Variants in DCDC2 observed in about 807,000 individuals in gnomAD.
DCDC2 encodes doublecortin domain containing 2, also known as doublecortin domain-containing protein 2.
Under a neutral mutation model 50.2 loss-of-function variants are expected in DCDC2, and 40 were observed. The ratio of observed to expected loss-of-function variants is 0.80; its 90% CI spans 0.62 to 1.04. The LOEUF (loss-of-function observed/expected upper bound fraction) is 1.04, where lower values mean the gene tolerates loss of function less well. DCDC2 is among the 50% of genes least tolerant of loss of function. DCDC2 has a pLI of 0.00. For missense variants in DCDC2, 570 were observed against 581.9 expected (o/e 0.98, Z 0.21); for synonymous variants, 234 against 210.6 (o/e 1.11, Z -0.96).
the DCDC2 span, among the ~76,000 whole-genome samples, chr6:24,363,109 T>C: frequency 6.6e-5 from 10 of 152,212 alleles, no homozygotes; most frequent in Non-Finnish European, 1.3e-4. Context: ...AGAGTTTTTG[T>C]ATTTTAGCTT....
chr6:24,252,337 G>A (rs1458663000), intron 7 of DCDC2, among the ~76,000 whole-genome samples: 1 of 152,100 alleles, frequency 6.6e-6, no homozygotes, highest in African/African-American at 2.4e-5. Context: ...AGTGAACAAT[G>A]TCAGGAATTT....
Position 24,173,030 on chromosome 6 carries a change from T to G in DCDC2, c.*1700A>C, listed in dbSNP as rs896288466. 1 of 124,864 alleles carries G rather than the reference T, an allele frequency of 8.0e-6. No individual in the cohort carries two copies. The highest frequency in any genetic ancestry group is 1.8e-5 in the Non-Finnish European group (1 of 56,556). 7.7% of individuals were successfully genotyped at this position (124,864 alleles called of 1,614,324 possible). ...AATAATAATAATAATAAAGATCAAT[T>G]GGTCTATTTGCCTACCAACCCAAGA... On this transcript the variant is annotated 3_prime_UTR_variant, in exon 10 of 10. Coordinates refer to ENST00000378454, the MANE Select transcript of DCDC2 (RefSeq NM_016356.5).
intron 8 of DCDC2, among the ~76,000 whole-genome samples, chr6:24,200,747 G>C (rs532545984): frequency 6.6e-6 from 1 of 151,994 alleles, no homozygotes; most frequent in Non-Finnish European, 1.5e-5. Context: ...CTGTATTCAG[G>C]AGACTCATCT....
In DCDC2 at chr6:24,317,541, G is replaced by A. The variant is rs76272893; in HGVS notation, c.349-15497C>T. ...AAAAGTACAAAATGAAATCATACAA[G>A]TACTAAAAGAAAACATGGGTGAATT... On this transcript the variant is annotated intron_variant, in intron 2 of 9. Transcript: ENST00000378454. 5.9e-5 allele frequency among the ~76,000 whole-genome samples: 9 copies of A among 152,046 alleles called. No individual in the cohort carries two copies. The East Asian group carries it at 1.4e-3, about 23-fold the overall frequency.
chr6:24,283,605 G>A (rs761777026), intron 6 of DCDC2, among the ~76,000 whole-genome samples: 3 of 152,146 alleles, frequency 2.0e-5, no homozygotes, highest in Non-Finnish European at 4.4e-5. Flanking sequence ...ATTTTGCAGT[G>A]GTTCCTACAG....
At chr6:24,236,902 G>T (rs1087289) in intron 7 of DCDC2, among the ~76,000 whole-genome samples, 70,754 of 151,844 alleles carry the variant, frequency 0.47, 20,066 homozygotes, top group Non-Finnish European at 0.61. Flanking sequence ...CTGGCCACTT[G>T]GGGGGCTGAG....
intron 7 of DCDC2, among the ~76,000 whole-genome samples, chr6:24,215,570 G>A (rs1761955635): frequency 1.3e-5 from 2 of 152,184 alleles, no homozygotes; most frequent in South Asian, 4.1e-4. Flanking sequence ...TCATGGCAGA[G>A]TGAGACCAGG....
At chr6:24,239,779 G>C (rs1762527643) in intron 7 of DCDC2, among the ~76,000 whole-genome samples, 2 of 152,318 alleles carry the variant, frequency 1.3e-5, no homozygotes, top group Admixed American at 6.5e-5. Context: ...AAGAATTAGA[G>C]CTGGATAATG....
Position 24,173,518 on chromosome 6 carries a change from TTA to T in DCDC2, c.*1210_*1211del, listed in dbSNP as rs1760833379. 3.9e-5 allele frequency: 6 copies of T among 152,318 alleles called. No individual in the cohort carries two copies. The South Asian group carries it at 1.2e-3, about 32-fold the overall frequency. 9.4% of individuals were successfully genotyped at this position (152,318 alleles called of 1,614,324 possible). On this transcript the variant is annotated 3_prime_UTR_variant, in exon 10 of 10. Coordinates refer to ENST00000378454, the MANE Select transcript of DCDC2 (RefSeq NM_016356.5). ...TTAAGAATTCATAAAAAGGACGAAA[TTA>T]TGTTTTAATTATGTTTTTATGTTTT... is the stretch of plus-strand genomic sequence containing the variant.
intron 7 of DCDC2, among the ~76,000 whole-genome samples, chr6:24,266,540 C>T (rs899559907): frequency 7.2e-5 from 11 of 151,966 alleles, no homozygotes; most frequent in Non-Finnish European, 1.5e-4. Flanking sequence ...AAAGATGACA[C>T]AGAAATAGCA....
rs115170128 is a variant in DCDC2 at position 24,336,040 on chromosome 6, C to T, written c.348+17529G>A. Among the ~76,000 whole-genome samples the T allele has an allele frequency of 3.2e-3, 487 of 152,308 alleles. 2 individuals carry two copies. The highest frequency in any genetic ancestry group is 0.011 in the African/African-American group (463 of 41,572). On this transcript the variant is annotated intron_variant, in intron 2 of 9. Transcript: ENST00000378454. ...AAAGAAGGTATAATCATGCCATCAACAGCAACCAAATCCAGGTTCTAGAGG... is the reference window on the plus strand; with the variant it reads ...AAAGAAGGTATAATCATGCCATCAATAGCAACCAAATCCAGGTTCTAGAGG...
chr6:24,218,952 T>C (rs954209151), intron 7 of DCDC2, among the ~76,000 whole-genome samples: 25 of 152,360 alleles, frequency 1.6e-4, no homozygotes, highest in African/African-American at 5.8e-4. Context: ...CCAGATATCC[T>C]TGCTTCTTTC....
chr6:24,206,867 G>C (rs34705735), intron 7 of DCDC2, among the ~76,000 whole-genome samples: 1,695 of 152,238 alleles, frequency 0.011, 19 homozygotes, highest in East Asian at 0.039. Flanking sequence ...TTTTTTAAAT[G>C]GTTGCCTCAG....
intron 8 of DCDC2, among the ~76,000 whole-genome samples, chr6:24,185,728 T>C (rs2791973): frequency 0.48 from 63,289 of 132,200 alleles, 16,364 homozygotes; most frequent in Non-Finnish European, 0.58. Flanking sequence ...CACACACACA[T>C]ATACACACAG....
intron 2 of DCDC2, among the ~76,000 whole-genome samples, chr6:24,347,185 A>C (rs1242177794): frequency 1.3e-5 from 2 of 152,206 alleles, no homozygotes; most frequent in African/African-American, 4.8e-5. Context: ...TAAAGTTTAA[A>C]AGCTATTTAG....
At chr6:24,319,287 G>T (rs1759729933) in intron 2 of DCDC2, among the ~76,000 whole-genome samples, 3 of 148,448 alleles carry the variant, frequency 2.0e-5, no homozygotes, top group African/African-American at 7.4e-5. Flanking sequence ...TATTTGTGGG[G>T]TTTTTTTTTT....
intron 7 of DCDC2, among the ~76,000 whole-genome samples, chr6:24,271,735 A>C (rs949258379): frequency 2.6e-5 from 4 of 152,218 alleles, no homozygotes; most frequent in Non-Finnish European, 1.5e-5. Context: ...CAACCTACAC[A>C]GCATCGGCAG....
At chr6:24,200,932 A>T (rs1212731121) in intron 8 of DCDC2, among the ~76,000 whole-genome samples, 1 of 152,248 alleles carries the variant, frequency 6.6e-6, no homozygotes, top group Non-Finnish European at 1.5e-5. Flanking sequence ...ATAATTGTAA[A>T]GGGATCAATT....
At chr6:24,182,828 GGACTTGAAGA>G (rs1561880878) in intron 8 of DCDC2, among the ~76,000 whole-genome samples, 1 of 151,952 alleles carries the variant, frequency 6.6e-6, no homozygotes, top group Non-Finnish European at 1.5e-5. Flanking sequence ...CTGAAAGCAA[GGACTTGAAGA>G]GATATTTGTA....
Sources: allele counts gnomAD v4.1 joint callset (sites outside exome capture counted in the v4.1 genomes callset), GRCh38; gene constraint gnomAD v4.1.1; transcripts MANE v1.5; gene names NCBI Gene and HGNC (gene_info 2026-07-23, HGNC 2026-07-21).